The following ARSG variants were observed in gnomAD, a reference collection of about 807,000 sequenced individuals.
The protein encoded by ARSG is arylsulfatase G.
Under a neutral mutation model 50.5 loss-of-function variants are expected in ARSG, and 37 were observed. That is an observed-to-expected ratio of 0.73 (90% CI 0.56 to 0.96). The LOEUF (loss-of-function observed/expected upper bound fraction) is 0.96, where lower values mean the gene tolerates loss of function less well. ARSG is among the 50% of genes least tolerant of loss of function. ARSG has a pLI of 0.00. For synonymous variants in ARSG, 225 were observed against 254.6 expected, an observed-to-expected ratio of 0.88 and a Z score of 1.11; for missense variants, 629 against 675.3, an observed-to-expected ratio of 0.93 and a Z score of 0.76.
the ARSG span, among the ~76,000 whole-genome samples, chr17:68,446,523 T>G: frequency 6.6e-6 from 1 of 152,170 alleles, no homozygotes; most frequent in Non-Finnish European, 1.5e-5. Flanking sequence ...GGTCTGAGAC[T>G]GGGGACTGAG....
intron 11 of ARSG, among the ~76,000 whole-genome samples, chr17:68,407,598 G>GT (rs202073915): frequency 0.035 from 5,076 of 144,020 alleles, 221 homozygotes; most frequent in East Asian, 0.2. Flanking sequence ...ATATTCCTAA[G>GT]TTTTTTTTTT....
rs2082050771 is a variant in ARSG, at chr17:68,412,305, G to C, written c.1304-7884G>C. ...AGTGCTTCCTTCAGGAGCTCTTTTAGGGCAGGCCTGGTGGTGACAAAATCT... is the reference window on the plus strand; with the variant it reads ...AGTGCTTCCTTCAGGAGCTCTTTTACGGCAGGCCTGGTGGTGACAAAATCT... On this transcript the variant is annotated intron_variant, in intron 11 of 11. Coordinates refer to ENST00000621439, the MANE Select transcript of ARSG (RefSeq NM_001267727.2). Among the ~76,000 whole-genome samples the C allele has an allele frequency of 3.3e-5, 5 of 152,110 alleles. No individual in the cohort carries two copies. In the South Asian group the frequency reaches 1.0e-3, roughly 32 times the overall value.
chr17:68,390,927 C>CTTT (rs34688174), intron 9 of ARSG, among the ~76,000 whole-genome samples: 22,242 of 141,140 alleles, frequency 0.16, 3,489 homozygotes, highest in African/African-American at 0.38. Flanking sequence ...GTGCCCGGTC[C>CTTT]TTTTTTTTTT....
At chr17:68,389,051 G>GA (rs1186937740) in intron 9 of ARSG, among the ~76,000 whole-genome samples, 2 of 152,206 alleles carry the variant, frequency 1.3e-5, no homozygotes, top group Non-Finnish European at 2.9e-5. Context: ...AGCTGGTTCT[G>GA]GCCTGTCCGA....
At chr17:68,278,146 A>C in intron 1 of ARSG, 6 of 1,614,188 alleles carry the variant, frequency 3.7e-6, no homozygotes, top group Non-Finnish European at 5.1e-6. Context: ...CTGCTATTGG[A>C]TTCATTAAAA....
At chr17:68,436,402 G>A in the ARSG span, 1 of 1,613,896 alleles carries the variant, frequency 6.2e-7, no homozygotes, top group Non-Finnish European at 8.5e-7. Flanking sequence ...CCATCATAAA[G>A]CACAATCTCC....
chr17:68,296,275 C>G (rs1384735215), intron 1 of ARSG, among the ~76,000 whole-genome samples: 1 of 152,082 alleles, frequency 6.6e-6, no homozygotes, highest in Non-Finnish European at 1.5e-5. Flanking sequence ...TGAAGTTGTT[C>G]CACCTGCCCT....
chr17:68,353,723 A>G (rs2078904249), intron 5 of ARSG, among the ~76,000 whole-genome samples: 3 of 152,110 alleles, frequency 2.0e-5, no homozygotes, highest in South Asian at 2.1e-4. Context: ...TTTTGGAAGG[A>G]TGGAGTCTCG....
intron 2 of ARSG, among the ~76,000 whole-genome samples, chr17:68,341,626 T>C (rs1018695986): frequency 2.6e-5 from 4 of 152,238 alleles, no homozygotes; most frequent in Admixed American, 2.6e-4. Context: ...CCTGTGGCTC[T>C]ATTCATCTAT....
chr17:68,373,005 C>T (rs2079940418), intron 8 of ARSG, among the ~76,000 whole-genome samples: 1 of 149,972 alleles, frequency 6.7e-6, no homozygotes, highest in South Asian at 2.1e-4. Context: ...GATTCTCCTA[C>T]CTCAGTCTCC....
chr17:68,333,667 TAATAATA>T (rs1320780834), intron 2 of ARSG, among the ~76,000 whole-genome samples: 4 of 118,066 alleles, frequency 3.4e-5, no homozygotes, highest in Non-Finnish European at 7.6e-5. Context: ...ATAATAATAA[TAATAATA>T]AAAGAGTAAT....
the ARSG span, among the ~76,000 whole-genome samples, chr17:68,446,899 C>T: frequency 3.3e-5 from 5 of 152,148 alleles, no homozygotes; most frequent in South Asian, 2.1e-4. Context: ...TAAGACTAAA[C>T]GCAGAGGGAA....
Position 68,261,997 on chromosome 17 carries a change from CA to C in ARSG, c.-552+2581del, listed in dbSNP as rs543122760. Among the ~76,000 whole-genome samples, 169 of 146,388 alleles carry C rather than the reference CA, an allele frequency of 1.2e-3. No individual in the cohort carries two copies. The Middle Eastern group carries it at 0.017, about 15-fold the overall frequency. ...CGAAACCCCATCTCTACTAAAAATA[CA>C]AAAAAAAAATGAGCTGGGTGTGGTG... On this transcript the variant is annotated intron_variant, in intron 1 of 11. Transcript: ENST00000448504.
At chr17:68,325,254 T>C (rs1178839099) in intron 2 of ARSG, among the ~76,000 whole-genome samples, 1 of 152,016 alleles carries the variant, frequency 6.6e-6, no homozygotes, top group African/African-American at 2.4e-5. Flanking sequence ...GAACTGCCCA[T>C]GTGAGGGATC....
chr17:68,349,896 A>T lies in ARSG; in HGVS notation c.455-1679A>T, dbSNP rs545742790. ...GACTCCGTCTCAAAAAGAAAAAAAA[A>T]TACGACAAGCATCTACTAGTTATTC... is the stretch of plus-strand genomic sequence containing the variant. On this transcript the variant is annotated intron_variant, in intron 4 of 11. Transcript: ENST00000621439. Among the ~76,000 whole-genome samples, 112 of 152,334 alleles carry T rather than the reference A, an allele frequency of 7.4e-4. 1 individual carries two copies. Among genetic ancestry groups the T allele is most frequent in the African/African-American group, 2.6e-3 (108 of 41,580 alleles).
At chr17:68,385,306 C>T in intron 9 of ARSG, 134 bp downstream of exon 9, 2 of 685,280 alleles carry the variant, frequency 2.9e-6, no homozygotes, top group Admixed American at 2.5e-5. Flanking sequence ...GGTCATTCAC[C>T]ACTTGCCTTT....
intron 6 of ARSG, among the ~76,000 whole-genome samples, chr17:68,360,256 C>T (rs1214083973): frequency 6.6e-6 from 1 of 152,170 alleles, no homozygotes; most frequent in East Asian, 1.9e-4. Context: ...GAAGGAAATC[C>T]CCAGAAATGC....
the ARSG span, among the ~76,000 whole-genome samples, chr17:68,447,416 G>T: frequency 2.6e-5 from 4 of 152,032 alleles, no homozygotes; most frequent in Middle Eastern, 3.2e-3. Context: ...GGGTCTTGCT[G>T]TGTCACCTAG....
At chr17:68,285,698 G>A (rs1350619598) in intron 1 of ARSG, 1 of 152,114 alleles carries the variant, frequency 6.6e-6, no homozygotes, top group Admixed American at 6.6e-5. Flanking sequence ...AAACTCCTGG[G>A]CTCAAGTGAC....
Sources: allele counts gnomAD v4.1 joint callset (sites outside exome capture counted in the v4.1 genomes callset), GRCh38; gene constraint gnomAD v4.1.1; transcripts MANE v1.5; gene names NCBI Gene and HGNC (gene_info 2026-07-23, HGNC 2026-07-21).